SHISA9: variants seen among roughly 807,000 people sequenced by gnomAD.
SHISA9 encodes the protein shisa family member 9.
Under a neutral mutation model 38.0 loss-of-function variants are expected in SHISA9, and 13 were observed. The ratio of observed to expected loss-of-function variants is 0.34; its 90% CI spans 0.22 to 0.54. SHISA9 has a LOEUF of 0.54. Ranked by LOEUF, SHISA9 falls within the 20% of genes least tolerant of loss-of-function variation. SHISA9 has a pLI of 0.91. For missense variants in SHISA9, 538 were observed against 575.8 expected, an observed-to-expected ratio of 0.93 and a Z score of 0.67; for synonymous variants, 275 against 242.0, an observed-to-expected ratio of 1.14 and a Z score of -1.27.
At chr16:13,153,989 T>C (rs1567229617) in intron 2 of SHISA9, among the ~76,000 whole-genome samples, 1 of 152,054 alleles carries the variant, frequency 6.6e-6, no homozygotes, top group Non-Finnish European at 1.5e-5. Flanking sequence ...TGAAAGCTCC[T>C]CTTTGTTCCC....
At chr16:13,167,680 T>A (rs1316883020) in intron 2 of SHISA9, among the ~76,000 whole-genome samples, 1 of 152,116 alleles carries the variant, frequency 6.6e-6, no homozygotes, top group Non-Finnish European at 1.5e-5. Flanking sequence ...TCCCCCCTTC[T>A]CTCTCTTCCT....
chr16:13,416,869 G>C, the SHISA9 span, among the ~76,000 whole-genome samples: 1 of 150,680 alleles, frequency 6.6e-6, no homozygotes, highest in African/African-American at 2.4e-5. Context: ...GGGAGGGAGG[G>C]AAATGAAGGA....
chr16:13,282,431 G>A, the SHISA9 span, among the ~76,000 whole-genome samples: 1,598 of 151,750 alleles, frequency 0.011, 32 homozygotes, highest in African/African-American at 0.037. Context: ...AAGATTTTTT[G>A]TCTTTTGTTT....
At chr16:13,243,782 T>G (rs1392541684), downstream of SHISA9, among the ~76,000 whole-genome samples, 3 of 147,238 alleles carry the variant, frequency 2.0e-5, no homozygotes, top group African/African-American at 7.6e-5. Flanking sequence ...TTTTTTTTTT[T>G]TTTTTTTTTG....
intron 4 of SHISA9, among the ~76,000 whole-genome samples, chr16:13,217,211 G>C (rs2051178350): frequency 6.6e-6 from 1 of 152,096 alleles, no homozygotes; most frequent in African/African-American, 2.4e-5. Flanking sequence ...CCGGGAGGTG[G>C]AGCTTGCAGT....
chr16:13,101,164 T>C (rs938919652), intron 2 of SHISA9, among the ~76,000 whole-genome samples: 5 of 152,204 alleles, frequency 3.3e-5, no homozygotes, highest in African/African-American at 1.2e-4. Flanking sequence ...TTGTGCAAGA[T>C]GAATGAGCTC....
chr16:13,100,682 A>G (rs2073869902), intron 2 of SHISA9, among the ~76,000 whole-genome samples: 1 of 152,138 alleles, frequency 6.6e-6, no homozygotes, highest in East Asian at 1.9e-4. Flanking sequence ...ACAGAGAAAT[A>G]CTACTCTCTG....
At chr16:13,430,750 A>C in the SHISA9 span, among the ~76,000 whole-genome samples, 1 of 151,282 alleles carries the variant, frequency 6.6e-6, no homozygotes, top group African/African-American at 2.4e-5. Flanking sequence ...TAAACAAAAA[A>C]AAAAAAAATT....
intron 2 of SHISA9, among the ~76,000 whole-genome samples, chr16:12,926,741 A>T (rs1005102875): frequency 1.3e-5 from 2 of 152,214 alleles, no homozygotes; most frequent in Non-Finnish European, 2.9e-5. Flanking sequence ...TGAGAAACAG[A>T]TATTTTGCTC....
At chr16:13,544,475 G>A in the SHISA9 span, among the ~76,000 whole-genome samples, 1 of 97,990 alleles carries the variant, frequency 1.0e-5, no homozygotes, top group Non-Finnish European at 1.9e-5. Context: ...TTTCCACTTT[G>A]CACGGACATG....
chr16:13,213,575 A>C (rs1344837006), intron 4 of SHISA9, among the ~76,000 whole-genome samples: 1 of 152,192 alleles, frequency 6.6e-6, no homozygotes, highest in African/African-American at 2.4e-5. Context: ...CATGCCAGGT[A>C]AGGTGAAATA....
chr16:13,475,499 G>A, the SHISA9 span, among the ~76,000 whole-genome samples: 63 of 152,044 alleles, frequency 4.1e-4, no homozygotes, highest in African/African-American at 1.5e-3. Context: ...AAATAGGAGT[G>A]ATCAAGACAG....
chr16:13,384,667 A>G, the SHISA9 span, among the ~76,000 whole-genome samples: 1 of 152,192 alleles, frequency 6.6e-6, no homozygotes, highest in African/African-American at 2.4e-5. Flanking sequence ...GTCTGGCAAG[A>G]GCGTTTTCTT....
At chr16:13,117,799 C>T (rs1347822526) in intron 2 of SHISA9, among the ~76,000 whole-genome samples, 1 of 152,176 alleles carries the variant, frequency 6.6e-6, no homozygotes, top group East Asian at 1.9e-4. Flanking sequence ...TATGTTACAG[C>T]ATCATCAGGA....
At chr16:13,448,923 G>A in the SHISA9 span, among the ~76,000 whole-genome samples, 1 of 152,120 alleles carries the variant, frequency 6.6e-6, no homozygotes, top group African/African-American at 2.4e-5. Context: ...TCAAGCATTT[G>A]AAGAATATGT....
chr16:13,076,547 T>A (rs2073585145), intron 2 of SHISA9, among the ~76,000 whole-genome samples: 2 of 152,124 alleles, frequency 1.3e-5, no homozygotes, highest in South Asian at 4.1e-4. Flanking sequence ...TAGAACAAGA[T>A]AGAATTTGGT....
At chr16:13,196,087 CAAAAAAAAAAAAAAAAAA>C (rs1172680715) in intron 2 of SHISA9, among the ~76,000 whole-genome samples, 2 of 14,122 alleles carry the variant, frequency 1.4e-4, no homozygotes, top group Non-Finnish European at 2.3e-4. Context: ...GACTCTCTCT[CAAAAAAAAAAAAAAAAAA>C]AAAAAAAAAA....
chr16:13,054,357 G>GT (rs1435816400), intron 2 of SHISA9, among the ~76,000 whole-genome samples: 1 of 152,212 alleles, frequency 6.6e-6, no homozygotes, highest in Non-Finnish European at 1.5e-5. Flanking sequence ...TTGGGCCTCA[G>GT]TGACTGTTAC....
intron 2 of SHISA9, among the ~76,000 whole-genome samples, chr16:13,108,272 G>A (rs1432094350): frequency 2.6e-5 from 4 of 152,080 alleles, no homozygotes; most frequent in South Asian, 4.1e-4. Flanking sequence ...GAGACTGCAG[G>A]TGTGTGCCAC....
Sources: gnomAD v4.1 joint callset for allele counts (sites outside exome capture counted in the v4.1 genomes callset) on GRCh38, gnomAD v4.1.1 for gene constraint, MANE v1.5 for transcripts, NCBI Gene and HGNC (gene_info 2026-07-23, HGNC 2026-07-21) for gene names.